The following CRTC1 variants were observed in gnomAD, a reference collection of about 807,000 sequenced individuals.
CRTC1 encodes CREB-regulated transcription coactivator 1.
CRTC1 carries 18 observed loss-of-function variants against 66.1 expected under a neutral mutation model. The observed-to-expected ratio is 0.27, with a 90% CI of 0.19 to 0.40. The LOEUF is 0.40. Among genes scored for constraint, CRTC1 ranks in the 10% least tolerant of loss-of-function variants. CRTC1 has a pLI of 1.00. For missense variants in CRTC1, 669 were observed against 887.9 expected, an observed-to-expected ratio of 0.75 and a Z score of 3.13; for synonymous variants, 416 against 398.8, an observed-to-expected ratio of 1.04 and a Z score of -0.51.
intron 11 of CRTC1, among the ~76,000 whole-genome samples, chr19:18,772,689 C>T (rs752633864): frequency 5.3e-5 from 8 of 152,200 alleles, no homozygotes; most frequent in Non-Finnish European, 1.2e-4. Context: ...CAGCCAAGGG[C>T]CGTCTGGGAC....
intron 4 of CRTC1, among the ~76,000 whole-genome samples, chr19:18,748,892 A>G (rs62137141): frequency 3.3e-5 from 5 of 152,160 alleles, no homozygotes; most frequent in East Asian, 1.9e-4. Context: ...ATTAACTTAT[A>G]TAAAATGAAT....
Position 18,768,659 on chromosome 19 carries a change from G to T in CRTC1, c.1186G>T (p.Gly396Cys). The T allele has an allele frequency of 1.9e-6, 3 of 1,539,902 alleles. No homozygotes were observed. Among genetic ancestry groups the T allele is most frequent in the Non-Finnish European group, 2.6e-6 (3 of 1,140,896 alleles). ...PQAPVRLPPG[G>C]PLLPSASLTR... ...GGCGCCCGTCCGCCTGCCCCCTGGT[G>T]GCCCCCTGTTGCCCAGCGCCAGCCT... The change falls in exon 10 of 14, where the codon GGC becomes TGC. Residue 396 changes from glycine (G) to cysteine (C), a missense_variant. Coordinates refer to ENST00000321949, the MANE Select transcript of CRTC1 (RefSeq NM_015321.3). This position sits in a 1 kb window ranked among gnomAD's most constrained non-coding sequence, Gnocchi z 5.6.
At chr19:18,770,878 A>G (rs1409658338) in intron 10 of CRTC1, among the ~76,000 whole-genome samples, 1 of 146,084 alleles carries the variant, frequency 6.8e-6, no homozygotes, top group African/African-American at 2.6e-5. Flanking sequence ...GTGGGTGTGT[A>G]CATTTGTGTG....
In CRTC1 at chr19:18,768,986, G is replaced by A. The variant is rs568067635; in HGVS notation, c.1320+193G>A. Reference sequence around the variant, plus strand: ...GACTGTCACTCCCTGTAGAGATGGAGAAACTGAGGCACGAGCAGGTGGCTG... The same window carrying A: ...GACTGTCACTCCCTGTAGAGATGGAAAAACTGAGGCACGAGCAGGTGGCTG... On this transcript the variant is annotated intron_variant, in intron 10 of 13. Transcript: ENST00000321949. The surrounding 1 kb of genome is among the most constrained non-coding windows in gnomAD (Gnocchi z 5.6). Among the ~76,000 whole-genome samples the A allele has an allele frequency of 5.3e-5, 8 of 152,364 alleles. No homozygotes were observed. In the South Asian group the frequency reaches 1.7e-3, roughly 32 times the overall value.
chr19:18,764,927 G>A (rs2054695619), intron 8 of CRTC1, among the ~76,000 whole-genome samples: 1 of 152,096 alleles, frequency 6.6e-6, no homozygotes, highest in South Asian at 2.1e-4. Context: ...GCCATTTTCA[G>A]CCAAAAAAAA....
intron 1 of CRTC1, among the ~76,000 whole-genome samples, chr19:18,698,557 TGCACAGTGTGTACTCAGCAGGC>T (rs1477858270): frequency 6.6e-6 from 1 of 150,472 alleles, no homozygotes; most frequent in Non-Finnish European, 1.5e-5. Flanking sequence ...ACTCAGCAGG[TGCACAGTGTGTACTCAGCAGGC>T]GCACAGTGTA....
At position 18,768,305 on chromosome 19, in the gene CRTC1, C is replaced by T. The variant is rs950977611; in HGVS notation, c.1012-180C>T. On this transcript the variant is annotated intron_variant, in intron 9 of 13. Coordinates refer to ENST00000321949, the MANE Select transcript of CRTC1 (RefSeq NM_015321.3). This position sits in a 1 kb window ranked among gnomAD's most constrained non-coding sequence, Gnocchi z 5.6. Reference sequence around the variant, plus strand: ...TCCAGCTGACCCCCTTGGGGCCCTGCGTGAGGCCCACCCTCTCTAGCCTGG... The same window carrying T: ...TCCAGCTGACCCCCTTGGGGCCCTGTGTGAGGCCCACCCTCTCTAGCCTGG... 6.6e-6 allele frequency among the ~76,000 whole-genome samples: 1 copy of T among 152,184 alleles called. No individual in the cohort carries two copies. The highest frequency in any genetic ancestry group is 1.5e-5 in the Non-Finnish European group (1 of 68,016).
At position 18,715,645 on chromosome 19, in the gene CRTC1, C is replaced by T. The variant is rs773337411; in HGVS notation, c.127-27265C>T. On this transcript the variant is annotated intron_variant, in intron 1 of 13. Coordinates refer to ENST00000321949, the MANE Select transcript of CRTC1 (RefSeq NM_015321.3). ...CCTCAGCCACCTGTGGCCCCGGGGA[C>T]GGGCCTGTCCTCCCCTCTTCCCCTG... is the stretch of plus-strand genomic sequence containing the variant. Among the ~76,000 whole-genome samples the T allele has an allele frequency of 3.3e-5, 5 of 152,220 alleles. No homozygotes were observed. The South Asian group carries it at 8.3e-4, about 25-fold the overall frequency.
chr19:18,718,631 C>T (rs542615545), intron 1 of CRTC1, among the ~76,000 whole-genome samples: 20 of 152,280 alleles, frequency 1.3e-4, no homozygotes, highest in Admixed American at 1.1e-3. Flanking sequence ...GTGTGAGCCA[C>T]CGTGCCCAGC....
rs1168160244 is a variant in CRTC1 at position 18,778,181 on chromosome 19, G to T, written c.*799G>T. The T allele has an allele frequency of 2.1e-5, 5 of 233,050 alleles. No homozygotes were observed. The highest frequency in any genetic ancestry group is 1.3e-3 in the Middle Eastern group (1 of 786). 14.4% of individuals were successfully genotyped at this position (233,050 alleles called of 1,614,324 possible). A position where few individuals can be genotyped will look rare whatever the true frequency, so the allele number is the denominator to read the frequency against. On this transcript the variant is annotated 3_prime_UTR_variant, in exon 14 of 14. Transcript: ENST00000321949. ...CGCGGAGGCAGGGGTTACCTCTTGGGGCTTTACAATCCGTGGCCCCTCCTG... is the reference window on the plus strand; with the variant it reads ...CGCGGAGGCAGGGGTTACCTCTTGGTGCTTTACAATCCGTGGCCCCTCCTG...
chr19:18,749,400 G>T (rs1193047637), intron 4 of CRTC1, among the ~76,000 whole-genome samples: 2 of 152,162 alleles, frequency 1.3e-5, no homozygotes, highest in Admixed American at 1.3e-4. Flanking sequence ...CACCTGTGGG[G>T]CTCCTTCTTT....
At chr19:18,749,223 G>T (rs2054310605) in intron 4 of CRTC1, among the ~76,000 whole-genome samples, 1 of 152,128 alleles carries the variant, frequency 6.6e-6, no homozygotes, top group Non-Finnish European at 1.5e-5. Context: ...CCAACCACGG[G>T]GGCCTCTAAG....
chr19:18,777,551 A>G lies in CRTC1; in HGVS notation c.*169A>G. The G allele has an allele frequency of 1.6e-6, 1 of 629,598 alleles. No homozygotes were observed. Among genetic ancestry groups the G allele is most frequent in the Non-Finnish European group, 2.7e-6 (1 of 372,780 alleles). The allele number at this position is 629,598 out of a possible 1,614,324, so 39.0% of individuals were successfully genotyped here. On this transcript the variant is annotated 3_prime_UTR_variant, in exon 14 of 14. Transcript: ENST00000321949. The surrounding 1 kb of genome is among the most constrained non-coding windows in gnomAD (Gnocchi z 5.5). ...CGGTTGTCCACCTCCCGCGAAGCCC[A>G]ATCGCGAGGCCGCGAGCCGGGCCGT...
chr19:18,747,535 G>A (rs2054273889), intron 4 of CRTC1, among the ~76,000 whole-genome samples: 1 of 152,122 alleles, frequency 6.6e-6, no homozygotes, highest in African/African-American at 2.4e-5. Context: ...TACTCAGGAG[G>A]CTGAGGCGGG....
chr19:18,751,630 C>T (rs1485690639), intron 5 of CRTC1, among the ~76,000 whole-genome samples: 2 of 152,184 alleles, frequency 1.3e-5, no homozygotes, highest in African/African-American at 4.8e-5. Flanking sequence ...CAATTGATGC[C>T]CATCCATCCC....
chr19:18,725,554 G>GCCA (rs980090433), intron 1 of CRTC1, among the ~76,000 whole-genome samples: 4 of 152,122 alleles, frequency 2.6e-5, no homozygotes, highest in Admixed American at 2.6e-4. Context: ...AGGCATCAGT[G>GCCA]CCAGACCTGT....
Position 18,780,349 on chromosome 19 carries a change from C to T in CRTC1, c.*2967C>T, listed in dbSNP as rs892818713. 2.2e-5 allele frequency: 5 copies of T among 231,968 alleles called. No homozygotes were observed. Among genetic ancestry groups the T allele is most frequent in the Non-Finnish European group, 3.4e-5 (4 of 117,324 alleles). The allele number at this position is 231,968 out of a possible 1,614,324, so 14.4% of individuals were successfully genotyped here. The stretch of plus-strand genomic sequence containing the variant: ...TGGCGTCCCCACCTTCCTGTTTCGC[C>T]GACGTCACTACCCAGGGTGGCAAGT... On this transcript the variant is annotated 3_prime_UTR_variant, in exon 14 of 14. Coordinates refer to ENST00000321949, the MANE Select transcript of CRTC1 (RefSeq NM_015321.3).
intron 1 of CRTC1, among the ~76,000 whole-genome samples, chr19:18,721,430 T>TGACA (rs2053627750): frequency 6.6e-6 from 1 of 151,378 alleles, no homozygotes; most frequent in Middle Eastern, 3.2e-3. Flanking sequence ...CCTGACCTTG[T>TGACA]GATCCACCCA....
intron 1 of CRTC1, among the ~76,000 whole-genome samples, chr19:18,696,797 G>A (rs2052999472): frequency 6.6e-6 from 1 of 151,434 alleles, no homozygotes; most frequent in Non-Finnish European, 1.5e-5. Context: ...AGGGAGGAGG[G>A]CGAGCAGCTG....
Sources: gnomAD v4.1 joint callset for allele counts (sites outside exome capture counted in the v4.1 genomes callset) on GRCh38, gnomAD v4.1.1 for gene constraint, Gnocchi (gnomAD v3.1) non-coding constraint, MANE v1.5 for transcripts, NCBI Gene and HGNC (gene_info 2026-07-23, HGNC 2026-07-21) for gene names.